PRKN: variants seen among roughly 807,000 people sequenced by gnomAD.
The protein encoded by PRKN is E3 ubiquitin-protein ligase parkin.
In PRKN, 56 loss-of-function variants were observed where a neutral mutation model predicts 59.5. The ratio of observed to expected loss-of-function variants is 0.94; its 90% CI spans 0.76 to 1.18. The LOEUF (loss-of-function observed/expected upper bound fraction) is 1.18, where lower values mean the gene tolerates loss of function less well. PRKN is among the 50% of genes most tolerant of loss of function. The pLI, the probability that PRKN is intolerant of heterozygous loss-of-function variation, is 0.00. For missense variants in PRKN, 657 were observed against 596.4 expected (o/e 1.10, Z -1.06); for synonymous variants, 250 against 222.1 (o/e 1.13, Z -1.12).
At chr6:162,485,712 A>C (rs896731172) in intron 1 of PRKN, among the ~76,000 whole-genome samples, 1 of 152,164 alleles carries the variant, frequency 6.6e-6, no homozygotes, top group African/African-American at 2.4e-5. Flanking sequence ...AACTGTTCAC[A>C]TTAATCTGAG....
intron 7 of PRKN, among the ~76,000 whole-genome samples, chr6:161,661,148 T>C (rs1440417054): frequency 1.3e-5 from 2 of 152,232 alleles, no homozygotes; most frequent in Non-Finnish European, 2.9e-5. Flanking sequence ...TCTCCCAGCA[T>C]GGTAGCCCCT....
intron 1 of PRKN, among the ~76,000 whole-genome samples, chr6:162,579,104 G>C (rs1438158793): frequency 6.6e-6 from 1 of 152,124 alleles, no homozygotes; most frequent in Non-Finnish European, 1.5e-5. Flanking sequence ...CATAGCAAAT[G>C]AATGTTGAGC....
intron 3 of PRKN, among the ~76,000 whole-genome samples, chr6:162,214,624 G>A (rs889303214): frequency 6.6e-6 from 1 of 152,158 alleles, no homozygotes; most frequent in African/African-American, 2.4e-5. Flanking sequence ...CTGTATATTT[G>A]CAGACTTTTA....
At chr6:162,727,391 C>T (rs1219843426) in intron 1 of PRKN, 2 of 468,760 alleles carry the variant, frequency 4.3e-6, no homozygotes, top group Non-Finnish European at 7.5e-6. Context: ...AGCGGGGGTG[C>T]GGGGCCGCCT....
At chr6:161,732,483 T>TGTGTGTGTGTGTGTGTGTGTGTG (rs1398832020) in intron 7 of PRKN, among the ~76,000 whole-genome samples, 3 of 140,166 alleles carry the variant, frequency 2.1e-5, no homozygotes, top group African/African-American at 9.2e-5. Context: ...GGTTTTTTTT[T>TGTGTGTGTGTGTGTGTGTGTGTG]TTTGTGTGTG....
intron 9 of PRKN, among the ~76,000 whole-genome samples, chr6:161,472,576 A>G (rs866928552): frequency 1.3e-5 from 2 of 152,162 alleles, no homozygotes; most frequent in Non-Finnish European, 2.9e-5. Context: ...AACACAGGGA[A>G]ACCCCATCGC....
chr6:161,680,523 T>C (rs1214469894), intron 7 of PRKN, among the ~76,000 whole-genome samples: 1 of 151,778 alleles, frequency 6.6e-6, no homozygotes, highest in Non-Finnish European at 1.5e-5. Flanking sequence ...ATTAATGCAA[T>C]GAGCATGCTG....
At chr6:162,594,018 C>T (rs1455085377) in intron 1 of PRKN, among the ~76,000 whole-genome samples, 6 of 152,138 alleles carry the variant, frequency 3.9e-5, no homozygotes, top group East Asian at 1.9e-4. Context: ...AGCGTGGTGG[C>T]GTGCGCCTGT....
intron 3 of PRKN, among the ~76,000 whole-genome samples, chr6:162,250,512 C>G (rs566213931): frequency 6.6e-6 from 1 of 152,166 alleles, no homozygotes; most frequent in Non-Finnish European, 1.5e-5. Context: ...AGTAACCATC[C>G]CCCAGATTCA....
At chr6:162,235,147 T>C (rs1476481992) in intron 3 of PRKN, among the ~76,000 whole-genome samples, 1 of 152,228 alleles carries the variant, frequency 6.6e-6, no homozygotes, top group Admixed American at 6.5e-5. Flanking sequence ...TGAGGTTTTT[T>C]TGAAATTTAA....
chr6:161,944,309 T>G (rs1790023), intron 6 of PRKN, among the ~76,000 whole-genome samples: 84,863 of 152,062 alleles, frequency 0.56, 24,031 homozygotes, highest in Middle Eastern at 0.66. Context: ...TTGACAAAGG[T>G]TTGGAGGAGG....
intron 6 of PRKN, among the ~76,000 whole-genome samples, chr6:161,847,143 A>T (rs1390577851): frequency 6.6e-6 from 1 of 152,168 alleles, no homozygotes; most frequent in Admixed American, 6.5e-5. Context: ...CCCCGTCTCT[A>T]CTAAAAATAC....
intron 1 of PRKN, among the ~76,000 whole-genome samples, chr6:162,636,128 T>C (rs1377293890): frequency 1.3e-5 from 2 of 149,594 alleles, no homozygotes; most frequent in Non-Finnish European, 2.9e-5. Context: ...GCAACAGCTA[T>C]ATATTACTTA....
Position 161,561,404 on chromosome 6 carries a change from A to G in PRKN, c.933+7951T>C, listed in dbSNP as rs1348560250. On this transcript the variant is annotated intron_variant, in intron 8 of 11. Coordinates refer to ENST00000366898, the MANE Select transcript of PRKN (RefSeq NM_004562.3). The surrounding 1 kb of genome is among the most constrained non-coding windows in gnomAD (Gnocchi z 5.0). ...TTTATATTTCACTGAGGAGAGAGGA[A>G]TCATGGCTGATGTCCTGATGTGCTC... Among the ~76,000 whole-genome samples, 7 of 152,202 alleles carry G rather than the reference A, an allele frequency of 4.6e-5. No individual in the cohort carries two copies. The highest frequency in any genetic ancestry group is 1.7e-4 in the African/African-American group (7 of 41,454).
At chr6:162,096,753 G>A (rs1288690293) in intron 4 of PRKN, among the ~76,000 whole-genome samples, 1 of 146,640 alleles carries the variant, frequency 6.8e-6, no homozygotes. Flanking sequence ...CAGCCATGCA[G>A]AACTATGAGT....
intron 7 of PRKN, among the ~76,000 whole-genome samples, chr6:161,646,060 A>G (rs111803279): frequency 7.7e-5 from 7 of 91,082 alleles, no homozygotes; most frequent in South Asian, 3.8e-4. Flanking sequence ...GAGGCGGCGT[A>G]TCAGTGACAG....
intron 4 of PRKN, among the ~76,000 whole-genome samples, chr6:162,073,092 T>C (rs1212515558): frequency 6.6e-6 from 1 of 152,148 alleles, no homozygotes; most frequent in African/African-American, 2.4e-5. Flanking sequence ...AGATAACAAA[T>C]GAGCTAATTA....
At position 161,456,731 on chromosome 6, in the gene PRKN, G is replaced by A. The variant is rs1223481691; in HGVS notation, c.1084-69854C>T. Among the ~76,000 whole-genome samples, 6 of 152,170 alleles carry A rather than the reference G, an allele frequency of 3.9e-5. No homozygotes were observed. The highest frequency in any genetic ancestry group is 8.8e-5 in the Non-Finnish European group (6 of 68,028). ...CTTTGGGTTTGCGAATGCTGACCTG[G>A]GTCTGCTTTGTATGGGTGGTCAGAG... is the stretch of plus-strand genomic sequence containing the variant. On this transcript the variant is annotated intron_variant, in intron 9 of 11. Transcript: ENST00000366898. This position sits in a 1 kb window ranked among gnomAD's most constrained non-coding sequence, Gnocchi z 4.8.
chr6:161,537,596 C>T lies in PRKN; in HGVS notation c.1083+11258G>A, dbSNP rs577931948. On this transcript the variant is annotated intron_variant, in intron 9 of 11. Coordinates refer to ENST00000366898, the MANE Select transcript of PRKN (RefSeq NM_004562.3). ...CCTCCGGAGTAGCTGGGACTACAGG[C>T]ACCCGCCACCATGCTCGGCTAATTT... Among the ~76,000 whole-genome samples the T allele has an allele frequency of 4.6e-5, 7 of 152,084 alleles. No homozygotes were observed. In the Middle Eastern group the frequency reaches 0.01, roughly 223 times the overall value.
Sources: allele counts gnomAD v4.1 joint callset (sites outside exome capture counted in the v4.1 genomes callset), GRCh38; gene constraint gnomAD v4.1.1; non-coding constraint Gnocchi (gnomAD v3.1); transcripts MANE v1.5; gene names NCBI Gene and HGNC (gene_info 2026-07-23, HGNC 2026-07-21).